CHD9NB: variants seen among roughly 807,000 people sequenced by gnomAD.
CHD9NB encodes the protein CHD9 neighbor protein.
At chr16:53,037,053 A>C in the CHD9NB span, among the ~76,000 whole-genome samples, 45 of 152,022 alleles carry the variant, frequency 3.0e-4, no homozygotes, top group Admixed American at 2.9e-3. Context: ...CTTGTGCCTC[A>C]GCCTCCTGAG....
At chr16:53,052,853 C>G in the CHD9NB span, 2 of 161,936 alleles carry the variant, frequency 1.2e-5, no homozygotes, top group Admixed American at 1.3e-4. Flanking sequence ...TAGTGACACC[C>G]ACCACCCCTT....
chr16:53,036,639 C>A, the CHD9NB span, among the ~76,000 whole-genome samples: 1 of 152,208 alleles, frequency 6.6e-6, no homozygotes, highest in Non-Finnish European at 1.5e-5. Flanking sequence ...AATCAAGTAA[C>A]CACCTCTTGG....
At chr16:53,052,522 T>A in the CHD9NB span, among the ~76,000 whole-genome samples, 1 of 152,174 alleles carries the variant, frequency 6.6e-6, no homozygotes, top group South Asian at 2.1e-4. Context: ...CCAGAAACAC[T>A]GTGATTAGCA....
At chr16:53,051,978 A>G in the CHD9NB span, among the ~76,000 whole-genome samples, 1 of 151,412 alleles carries the variant, frequency 6.6e-6, no homozygotes, top group Non-Finnish European at 1.5e-5. Flanking sequence ...AGGGCAAGTT[A>G]CTTAAACATC....
chr16:53,050,587 C>T, the CHD9NB span, among the ~76,000 whole-genome samples: 1 of 152,304 alleles, frequency 6.6e-6, no homozygotes, highest in Admixed American at 6.5e-5. Context: ...TCTGCTATTA[C>T]ACTTCATAAC....
the CHD9NB span, among the ~76,000 whole-genome samples, chr16:53,040,120 A>G: frequency 6.6e-6 from 1 of 151,876 alleles, no homozygotes; most frequent in Admixed American, 6.6e-5. Context: ...GATAGAGTGC[A>G]TGGTCATGGT....
the CHD9NB span, among the ~76,000 whole-genome samples, chr16:53,048,447 T>G: frequency 6.6e-6 from 1 of 152,090 alleles, no homozygotes; most frequent in Non-Finnish European, 1.5e-5. Context: ...AAAATAAAAA[T>G]TTTTAAAGAT....
chr16:53,044,031 A>T, the CHD9NB span: 1 of 398,834 alleles, frequency 2.5e-6, no homozygotes. Flanking sequence ...TCCATCCTTC[A>T]GCGGGGCATC....
chr16:53,050,154 G>T, the CHD9NB span, among the ~76,000 whole-genome samples: 1 of 152,188 alleles, frequency 6.6e-6, no homozygotes, highest in African/African-American at 2.4e-5. Context: ...AGTGAGCTGA[G>T]ATTGCTCCAC....
the CHD9NB span, among the ~76,000 whole-genome samples, chr16:53,050,349 A>G: frequency 2.6e-3 from 398 of 152,170 alleles, 2 homozygotes; most frequent in African/African-American, 9.3e-3. Context: ...TCTACCAAAA[A>G]TATAAAAAAT....
chr16:53,040,052 A>G, the CHD9NB span, among the ~76,000 whole-genome samples: 1 of 152,056 alleles, frequency 6.6e-6, no homozygotes, highest in African/African-American at 2.4e-5. Context: ...TATAAAATAC[A>G]AGGCACTTCA....
chr16:53,040,994 T>TGGATAATGGATGAAA, the CHD9NB span, among the ~76,000 whole-genome samples: 1 of 151,828 alleles, frequency 6.6e-6, no homozygotes, highest in Non-Finnish European at 1.5e-5. Context: ...GGTGGATGGA[T>TGGATAATGGATGAAA]GGATGGATAA....
chr16:53,041,780 T>TA, the CHD9NB span, among the ~76,000 whole-genome samples: 9,147 of 144,468 alleles, frequency 0.063, 729 homozygotes, highest in African/African-American at 0.19. Flanking sequence ...AGAGTTGTCT[T>TA]AAAAAAAAAA....
the CHD9NB span, among the ~76,000 whole-genome samples, chr16:53,042,062 C>T: frequency 2.6e-5 from 4 of 152,110 alleles, no homozygotes; most frequent in South Asian, 2.1e-4. Flanking sequence ...TTTTCCTCAC[C>T]GCAGTTGCCT....
chr16:53,042,358 C>G, the CHD9NB span, among the ~76,000 whole-genome samples: 1 of 150,156 alleles, frequency 6.7e-6, no homozygotes, highest in Admixed American at 6.7e-5. Context: ...CCCGCTCTTT[C>G]ATCTCCCTAC....
chr16:53,039,994 C>T, the CHD9NB span, among the ~76,000 whole-genome samples: 1,351 of 152,172 alleles, frequency 8.9e-3, 17 homozygotes, highest in African/African-American at 0.031. Flanking sequence ...ATTCTTCTGC[C>T]GAAAGACACC....
the CHD9NB span, among the ~76,000 whole-genome samples, chr16:53,049,136 GGCATGA>G: frequency 6.6e-6 from 1 of 152,128 alleles, no homozygotes; most frequent in Non-Finnish European, 1.5e-5. Flanking sequence ...TGGGATTACA[GGCATGA>G]GCCACTGGGC....
At chr16:53,051,738 T>C in the CHD9NB span, among the ~76,000 whole-genome samples, 54 of 145,702 alleles carry the variant, frequency 3.7e-4, no homozygotes, top group South Asian at 0.012. Flanking sequence ...CTGCACATTG[T>C]GCACCTGTAC....
chr16:53,052,196 TAA>T, the CHD9NB span, among the ~76,000 whole-genome samples: 8 of 83,590 alleles, frequency 9.6e-5, no homozygotes, highest in Non-Finnish European at 8.2e-5. Flanking sequence ...CTGAGCAACA[TAA>T]AAAAAAAAAA....
Sources: gnomAD v4.1 joint callset for allele counts (sites outside exome capture counted in the v4.1 genomes callset) on GRCh38, gnomAD v4.1.1 for gene constraint, MANE v1.5 for transcripts, NCBI Gene and HGNC (gene_info 2026-07-23, HGNC 2026-07-21) for gene names.